Variants in PEDS1 observed in about 807,000 individuals in gnomAD.
PEDS1 encodes the protein CarF homolog.
PEDS1 carries 14 observed loss-of-function variants against 35.2 expected under a neutral mutation model. The observed-to-expected ratio is 0.40, with a 90% CI of 0.26 to 0.62. The LOEUF (loss-of-function observed/expected upper bound fraction) is 0.62. PEDS1 is among the 20% of genes least tolerant of loss of function. The pLI is 0.44. For missense variants in PEDS1, 260 were observed against 367.8 expected (o/e 0.71, Z 2.40); for synonymous variants, 152 against 152.0 (o/e 1.00, Z 0.00).
At chr20:50,151,511 T>C (rs2081402855) in intron 1 of PEDS1, among the ~76,000 whole-genome samples, 1 of 152,120 alleles carries the variant, frequency 6.6e-6, no homozygotes. Context: ...GGTGGGGAGT[T>C]TGAGGACCAG....
intron 1 of PEDS1, among the ~76,000 whole-genome samples, chr20:50,149,023 G>A (rs1193948346): frequency 2.0e-5 from 3 of 152,228 alleles, no homozygotes; most frequent in East Asian, 3.9e-4. Flanking sequence ...TGAGGCGGGA[G>A]GATCATTTGA....
In PEDS1 at chr20:50,123,174, C is replaced by T. The variant is rs1410673267; in HGVS notation, c.*1884G>A. On this transcript the variant is annotated 3_prime_UTR_variant, in exon 6 of 6. Coordinates refer to ENST00000371652, the MANE Select transcript of PEDS1 (RefSeq NM_199129.4). ...CCTATGAGTCTCTGTATACCAAATC[C>T]ATGTTTTCCCAACCTTGTCTTCCAT... is the stretch of plus-strand genomic sequence containing the variant. 2 of 152,232 alleles carry T rather than the reference C, an allele frequency of 1.3e-5. No individual in the cohort carries two copies. The highest frequency in any genetic ancestry group is 1.3e-4 in the Admixed American group (2 of 15,262). The allele number at this position is 152,232 out of a possible 1,614,324, so 9.4% of individuals were successfully genotyped here.
rs1455820643 is a variant in PEDS1, at chr20:50,129,679, T to G, written c.345A>C (p.Arg115=). 1 of 1,613,588 alleles carries G rather than the reference T, an allele frequency of 6.2e-7. No homozygotes were observed. The highest frequency in any genetic ancestry group is 1.7e-5 in the Admixed American group (1 of 59,966). ...GGTCAATGTGGTGCTCCCGGAAGGGTCGGATGAAAGCCTGGAGTTGAGGGG... is the reference window on the plus strand; with the variant it reads ...GGTCAATGTGGTGCTCCCGGAAGGGGCGGATGAAAGCCTGGAGTTGAGGGG... The part of the protein sequence containing the change: ...ELPIVGKAFI[R]PFREHHIDPT... The change falls in exon 4 of 6, where the codon CGA becomes CGC. Residue 115 remains arginine (R), a synonymous_variant. Coordinates refer to ENST00000371652, the MANE Select transcript of PEDS1 (RefSeq NM_199129.4). The surrounding 1 kb of genome is among the most constrained non-coding windows in gnomAD (Gnocchi z 4.2).
Position 50,153,649 on chromosome 20 carries a change from C to G in PEDS1, c.-12G>C. ...TCGGCGCCCGCCATGGCCACTCGCC[C>G]GATCGGCCCGGTGCGCTCTGCTGGC... On this transcript the variant is annotated 5_prime_UTR_variant, in exon 1 of 6. Transcript: ENST00000371652. The G allele has an allele frequency of 2.4e-6, 3 of 1,240,914 alleles. No homozygotes were observed. Among genetic ancestry groups the G allele is most frequent in the Non-Finnish European group, 1.0e-6 (1 of 991,080 alleles). The allele number at this position is 1,240,914 out of a possible 1,614,324, so 76.9% of individuals were successfully genotyped here.
At chr20:50,143,734 A>ATC in intron 1 of PEDS1, 113 bp from the exon 2 acceptor site, 2 of 1,461,638 alleles carry the variant, frequency 1.4e-6, no homozygotes, top group Non-Finnish European at 1.8e-6. Context: ...GTCTCACTCT[A>ATC]TCACCCAGGC....
In PEDS1 at chr20:50,121,942, G is replaced by C. The variant is rs558883367; in HGVS notation, c.*3116C>G. The C allele has an allele frequency of 4.5e-4, 68 of 152,410 alleles. No homozygotes were observed. Among genetic ancestry groups the C allele is most frequent in the African/African-American group, 1.6e-3 (66 of 41,566 alleles). 9.4% of individuals were successfully genotyped at this position (152,410 alleles called of 1,614,324 possible). A position where few individuals can be genotyped will look rare whatever the true frequency, so the allele number is the denominator to read the frequency against. On this transcript the variant is annotated 3_prime_UTR_variant, in exon 6 of 6. Transcript: ENST00000371652. ...TTTTTGTAGTAATGCCTTAGGAAGA[G>C]GTGATCACAACCCTGCAAATCCAGA...
At chr20:50,146,510 C>T (rs982436644) in intron 1 of PEDS1, among the ~76,000 whole-genome samples, 1 of 152,116 alleles carries the variant, frequency 6.6e-6, no homozygotes, top group Non-Finnish European at 1.5e-5. Flanking sequence ...TGCCGCTCAC[C>T]GACATACCTT....
chr20:50,142,944 A>C (rs1416888044), intron 2 of PEDS1, among the ~76,000 whole-genome samples: 3 of 152,134 alleles, frequency 2.0e-5, no homozygotes, highest in Non-Finnish European at 4.4e-5. Flanking sequence ...TGGCAGGTGC[A>C]GGGTGACCTA....
In PEDS1 at chr20:50,129,672, G is replaced by A; in HGVS notation, c.352C>T (p.Arg118Trp). 1 of 1,614,088 alleles carries A rather than the reference G, an allele frequency of 6.2e-7. No individual in the cohort carries two copies. Among genetic ancestry groups the A allele is most frequent in the Non-Finnish European group, 8.5e-7 (1 of 1,180,018 alleles). Reference protein sequence around the residue: ...IVGKAFIRPFREHHIDPTAIT... With the variant: ...IVGKAFIRPFWEHHIDPTAIT... ...GCTGTCGGGTCAATGTGGTGCTCCC[G>A]GAAGGGTCGGATGAAAGCCTGGAGT... Residue 118 changes from arginine to tryptophan, a missense_variant, in exon 4 of 6, where the codon CGG becomes TGG. Physicochemically the swap from Arg to Trp is moderately radical, Grantham distance 101. Coordinates refer to ENST00000371652, the MANE Select transcript of PEDS1 (RefSeq NM_199129.4). The surrounding 1 kb of genome is among the most constrained non-coding windows in gnomAD (Gnocchi z 4.2).
At chr20:50,130,729 G>C (rs1241955614) in intron 3 of PEDS1, 127 bp downstream of exon 3, 1 of 1,198,396 alleles carries the variant, frequency 8.3e-7, no homozygotes. Context: ...ACAGGGGTGA[G>C]GGACAGGCTG....
chr20:50,153,695 G>C lies in PEDS1; in HGVS notation c.-58C>G. ...CTGGCGGCGGCGGCGGCAGGGCCGC[G>C]GAACCGCGGCGAGATCACGCCGCCC... On this transcript the variant is annotated 5_prime_UTR_variant, in exon 1 of 6. Coordinates refer to ENST00000371652, the MANE Select transcript of PEDS1 (RefSeq NM_199129.4). 11 of 1,185,306 alleles carry C rather than the reference G, an allele frequency of 9.3e-6. No individual in the cohort carries two copies. Among genetic ancestry groups the C allele is most frequent in the Non-Finnish European group, 1.0e-5 (10 of 958,652 alleles). The allele number at this position is 1,185,306 out of a possible 1,614,324, so 73.4% of individuals were successfully genotyped here.
rs538162805 is a variant in PEDS1, at chr20:50,118,838, C to G, written c.*6220G>C. On this transcript the variant is annotated 3_prime_UTR_variant, in exon 6 of 6. Coordinates refer to ENST00000371652, the MANE Select transcript of PEDS1 (RefSeq NM_199129.4). ...ACGGGGTTTCACTATGTTGGCCAGG[C>G]TGGTCTTGAATTCCTGACCTCGTGA... 6.6e-6 allele frequency: 1 copy of G among 152,066 alleles called. No homozygotes were observed. The highest frequency in any genetic ancestry group is 2.4e-5 in the African/African-American group (1 of 41,482). 9.4% of individuals were successfully genotyped at this position (152,066 alleles called of 1,614,324 possible). A position where few individuals can be genotyped will look rare whatever the true frequency, so the allele number is the denominator to read the frequency against.
rs529924044 is a variant in PEDS1, at chr20:50,141,652, A to G, written c.241+1850T>C. The stretch of plus-strand genomic sequence containing the variant: ...GAGGCCTGCTCGTAACCATCCCCAG[A>G]TGAGGCTGCAAAGCTCAGACTGTAT... On this transcript the variant is annotated intron_variant, in intron 2 of 5. Transcript: ENST00000371652. Among the ~76,000 whole-genome samples, 5 of 152,342 alleles carry G rather than the reference A, an allele frequency of 3.3e-5. No individual in the cohort carries two copies. In the South Asian group the frequency reaches 1.0e-3, roughly 32 times the overall value.
intron 1 of PEDS1, among the ~76,000 whole-genome samples, chr20:50,143,871 T>C: frequency 6.6e-6 from 1 of 152,076 alleles, no homozygotes; most frequent in Non-Finnish European, 1.5e-5. Flanking sequence ...CTAATTTTTA[T>C]ATTTTTTAGT....
intron 2 of PEDS1, among the ~76,000 whole-genome samples, chr20:50,136,794 T>C (rs891086915): frequency 2.6e-5 from 4 of 150,956 alleles, no homozygotes; most frequent in African/African-American, 7.3e-5. Flanking sequence ...CCCAGCACTT[T>C]GGGAGGCCAC....
chr20:50,133,348 A>G (rs1486383967), intron 2 of PEDS1, among the ~76,000 whole-genome samples: 1 of 152,056 alleles, frequency 6.6e-6, no homozygotes. Flanking sequence ...GTTCCTGGGG[A>G]TAAGGGCGGA....
chr20:50,132,663 C>G (rs1406734837), intron 2 of PEDS1, among the ~76,000 whole-genome samples: 10 of 152,138 alleles, frequency 6.6e-5, no homozygotes, highest in African/African-American at 4.8e-5. Flanking sequence ...ATTTTCTCCC[C>G]CAACAAGGAG....
chr20:50,125,962 C>T (rs1029227642), intron 5 of PEDS1, among the ~76,000 whole-genome samples: 23 of 152,232 alleles, frequency 1.5e-4, no homozygotes, highest in Non-Finnish European at 2.2e-4. Flanking sequence ...TGGGCTCAAG[C>T]AATCCTCTCG....
intron 2 of PEDS1, among the ~76,000 whole-genome samples, chr20:50,136,098 TA>T (rs796896597): frequency 1.2e-4 from 18 of 145,528 alleles, no homozygotes; most frequent in Non-Finnish European, 1.7e-4. Context: ...CTACTTTTTT[TA>T]AAAAAAAAAA....
Sources: gnomAD v4.1 joint callset for allele counts (sites outside exome capture counted in the v4.1 genomes callset) on GRCh38, gnomAD v4.1.1 for gene constraint, Gnocchi (gnomAD v3.1) non-coding constraint, MANE v1.5 for transcripts, NCBI Gene and HGNC (gene_info 2026-07-23, HGNC 2026-07-21) for gene names.